CNKSR3: variants seen among roughly 807,000 people sequenced by gnomAD.
CNKSR3 encodes the protein CNKSR family member 3, also known as connector enhancer of kinase suppressor of ras 3.
A neutral mutation model predicts 67.7 loss-of-function variants in CNKSR3; 36 were observed. The ratio of observed to expected loss-of-function variants is 0.53; its 90% CI spans 0.41 to 0.70. The LOEUF (loss-of-function observed/expected upper bound fraction) is 0.70, where lower values mean the gene tolerates loss of function less well. Ranked by LOEUF, CNKSR3 falls within the 30% of genes least tolerant of loss-of-function variation. CNKSR3 has a pLI of 0.00. For synonymous variants in CNKSR3, 281 were observed against 271.4 expected (o/e 1.04, Z -0.35); for missense variants, 630 against 695.2 (o/e 0.91, Z 1.05).
At chr6:154,492,346 T>A (rs943834886) in intron 1 of CNKSR3, among the ~76,000 whole-genome samples, 1 of 152,034 alleles carries the variant, frequency 6.6e-6, no homozygotes, top group Non-Finnish European at 1.5e-5. Flanking sequence ...TCATCCAGTC[T>A]CAAAGATTTA....
At chr6:154,414,189 G>A (rs1191094204) in intron 10 of CNKSR3, 110 bp downstream of exon 10, 5 of 1,180,956 alleles carry the variant, frequency 4.2e-6, no homozygotes, top group Non-Finnish European at 5.8e-6. Flanking sequence ...ATTCAGCCCT[G>A]TCACACTGTG....
intron 1 of CNKSR3, among the ~76,000 whole-genome samples, chr6:154,507,399 T>C (rs1787123260): frequency 2.0e-5 from 3 of 152,232 alleles, no homozygotes; most frequent in Admixed American, 1.3e-4. Flanking sequence ...ATACCAAGAG[T>C]AGCAAAGTCT....
chr6:154,502,284 C>T (rs964058487), intron 1 of CNKSR3, among the ~76,000 whole-genome samples: 9 of 151,874 alleles, frequency 5.9e-5, no homozygotes, highest in East Asian at 1.9e-4. Context: ...CTCTGCCTCC[C>T]GGGTTCAAGA....
In CNKSR3 at chr6:154,433,442, A is replaced by G. The variant is rs1258776847; in HGVS notation, c.549+24T>C. On this transcript the variant is annotated intron_variant, in intron 5 of 12. Coordinates refer to ENST00000607772, the MANE Select transcript of CNKSR3 (RefSeq NM_173515.4). ...CTGCCTTTGGAAAATGAATTTTACA[A>G]TAACTTTTAGAATGTATACTTACCA... 9 of 1,521,982 alleles carry G rather than the reference A, an allele frequency of 5.9e-6. No individual in the cohort carries two copies. In the East Asian group the frequency reaches 1.1e-4, roughly 19 times the overall value. The allele number at this position is 1,521,982 out of a possible 1,614,324, so 94.3% of individuals were successfully genotyped here. A position where few individuals can be genotyped will look rare whatever the true frequency, so the allele number is the denominator to read the frequency against.
intron 1 of CNKSR3, among the ~76,000 whole-genome samples, chr6:154,502,828 A>G (rs934314140): frequency 6.6e-6 from 1 of 152,202 alleles, no homozygotes; most frequent in Non-Finnish European, 1.5e-5. Flanking sequence ...AATAGCATAA[A>G]TGAGAGGAAA....
At chr6:154,455,938 C>T (rs1048966946) in intron 1 of CNKSR3, among the ~76,000 whole-genome samples, 6 of 151,834 alleles carry the variant, frequency 4.0e-5, no homozygotes, top group African/African-American at 1.5e-4. Flanking sequence ...TTAATCTCCC[C>T]TAAGTGTAGA....
At chr6:154,479,691 A>G (rs142627609) in intron 1 of CNKSR3, among the ~76,000 whole-genome samples, 26 of 152,346 alleles carry the variant, frequency 1.7e-4, no homozygotes, top group Non-Finnish European at 2.6e-4. Flanking sequence ...GGACGTCTCT[A>G]TTGGGAAATG....
At chr6:154,412,356 G>A (rs925322186) in intron 10 of CNKSR3, among the ~76,000 whole-genome samples, 21 of 152,066 alleles carry the variant, frequency 1.4e-4, no homozygotes, top group South Asian at 1.0e-3. Context: ...TCTCAAAAGC[G>A]TCTTCCCGAG....
rs570456207 is a variant in CNKSR3 at position 154,387,787 on chromosome 6, T to C, written c.*18567A>G. Reference sequence around the variant, plus strand: ...CAGGCCTTATTTAAAAAGAAAAATGTTCTATCATCAAATGTATTATGCATT... The same window carrying C: ...CAGGCCTTATTTAAAAAGAAAAATGCTCTATCATCAAATGTATTATGCATT... On this transcript the variant is annotated 3_prime_UTR_variant, in exon 13 of 13. Transcript: ENST00000607772. 129 of 152,342 alleles carry C rather than the reference T, an allele frequency of 8.5e-4. No individual in the cohort carries two copies. Among genetic ancestry groups the C allele is most frequent in the African/African-American group, 3.0e-3 (125 of 41,588 alleles). The allele number at this position is 152,342 out of a possible 1,614,324, so 9.4% of individuals were successfully genotyped here. A position where few individuals can be genotyped will look rare whatever the true frequency, so the allele number is the denominator to read the frequency against.
At chr6:154,425,020 C>T (rs1785228367) in intron 7 of CNKSR3, among the ~76,000 whole-genome samples, 1 of 152,220 alleles carries the variant, frequency 6.6e-6, no homozygotes, top group African/African-American at 2.4e-5. Context: ...AATCCGCCCG[C>T]CTTGGCCTCC....
chr6:154,449,622 G>A (rs1033093522), intron 2 of CNKSR3, among the ~76,000 whole-genome samples: 1 of 152,188 alleles, frequency 6.6e-6, no homozygotes, highest in African/African-American at 2.4e-5. Flanking sequence ...ACTGCGCCTC[G>A]CCAGAAGGTG....
intron 2 of CNKSR3, among the ~76,000 whole-genome samples, chr6:154,446,672 T>C (rs1156865600): frequency 6.6e-6 from 1 of 152,204 alleles, no homozygotes; most frequent in Non-Finnish European, 1.5e-5. Flanking sequence ...ATTTAACACA[T>C]GCATCAATTC....
intron 1 of CNKSR3, among the ~76,000 whole-genome samples, chr6:154,467,983 C>T (rs1215228344): frequency 2.0e-5 from 3 of 151,416 alleles, no homozygotes; most frequent in Admixed American, 1.3e-4. Flanking sequence ...TGGTCTCGAA[C>T]TCCTGACCTC....
At position 154,402,704 on chromosome 6, in the gene CNKSR3, T is replaced by C. The variant is rs1784731189; in HGVS notation, c.*3650A>G. On this transcript the variant is annotated 3_prime_UTR_variant, in exon 13 of 13. Transcript: ENST00000607772. ...GAGTGAAGCCATTACAGACTAGGTATGCCTAGAACTTTATCTAAAGAATTG... is the reference window on the plus strand; with the variant it reads ...GAGTGAAGCCATTACAGACTAGGTACGCCTAGAACTTTATCTAAAGAATTG... 1 of 152,242 alleles carries C rather than the reference T, an allele frequency of 6.6e-6. No homozygotes were observed. The highest frequency in any genetic ancestry group is 2.4e-5 in the African/African-American group (1 of 41,460). The allele number at this position is 152,242 out of a possible 1,614,324, so 9.4% of individuals were successfully genotyped here.
intron 7 of CNKSR3, 51 bp from the exon 8 acceptor site, chr6:154,423,034 T>G: frequency 1.7e-6 from 2 of 1,197,518 alleles, no homozygotes; most frequent in Non-Finnish European, 2.4e-6. Flanking sequence ...CTTCTATTTC[T>G]TTCTGCTTTT....
rs80148249 is a variant in CNKSR3 at position 154,414,743 on chromosome 6, C to G, written c.946-320G>C. ...TTTCCTCTTCTGTAAAGGAGTGATA[C>G]TGATAATATCTCTTGCATAGAGCTG... On this transcript the variant is annotated intron_variant, in intron 9 of 12. Coordinates refer to ENST00000607772, the MANE Select transcript of CNKSR3 (RefSeq NM_173515.4). The G allele has an allele frequency of 1.0e-3, 554 of 532,894 alleles. 1 individual carries two copies. The highest frequency in any genetic ancestry group is 9.8e-3 in the African/African-American group (514 of 52,534). 33.0% of individuals were successfully genotyped at this position (532,894 alleles called of 1,614,324 possible).
chr6:154,465,072 C>T (rs1056042082), intron 1 of CNKSR3, among the ~76,000 whole-genome samples: 3 of 129,706 alleles, frequency 2.3e-5, no homozygotes, highest in Admixed American at 9.0e-5. Flanking sequence ...ACCTGGGAGG[C>T]GGAGGTTGCA....
Position 154,509,962 on chromosome 6 carries a change from G to T in CNKSR3, c.52+101C>A, listed in dbSNP as rs796800839. On this transcript the variant is annotated intron_variant, in intron 1 of 12. Transcript: ENST00000607772. Reference sequence around the variant, plus strand: ...ATTGTCACCGGGCTGTGCCCTCACCGCTTCTCGCCGGGAGGAAGGGCCAAG... The same window carrying T: ...ATTGTCACCGGGCTGTGCCCTCACCTCTTCTCGCCGGGAGGAAGGGCCAAG... 4 of 1,317,874 alleles carry T rather than the reference G, an allele frequency of 3.0e-6. No individual in the cohort carries two copies. In the East Asian group the frequency reaches 6.9e-5, roughly 23 times the overall value. The allele number at this position is 1,317,874 out of a possible 1,614,324, so 81.6% of individuals were successfully genotyped here. A position where few individuals can be genotyped will look rare whatever the true frequency, so the allele number is the denominator to read the frequency against.
At chr6:154,418,752 G>A (rs1250991111) in intron 9 of CNKSR3, among the ~76,000 whole-genome samples, 1 of 152,064 alleles carries the variant, frequency 6.6e-6, no homozygotes, top group African/African-American at 2.4e-5. Flanking sequence ...CTCAGTTATG[G>A]GCAATGATCT....
Sources: allele counts gnomAD v4.1 joint callset (sites outside exome capture counted in the v4.1 genomes callset), GRCh38; gene constraint gnomAD v4.1.1; transcripts MANE v1.5; gene names NCBI Gene and HGNC (gene_info 2026-07-23, HGNC 2026-07-21).